Variants in CEACAM5 observed in about 807,000 individuals in gnomAD.
CEACAM5 encodes the protein cell adhesion molecule CEACAM5.
CEACAM5 carries 52 observed loss-of-function variants against 63.0 expected under a neutral mutation model. The ratio of observed to expected loss-of-function variants is 0.83; its 90% CI spans 0.66 to 1.04. CEACAM5 has a LOEUF of 1.04. Among genes scored for constraint, CEACAM5 ranks in the 50% least tolerant of loss-of-function variants. The pLI is 0.00. For synonymous variants in CEACAM5, 357 were observed against 351.3 expected (o/e 1.02, Z -0.18); for missense variants, 790 against 864.8 (o/e 0.91, Z 1.08).
Position 41,722,891 on chromosome 19 carries a change from T to TG in CEACAM5, c.2026+1715_2026+1716insG, listed in dbSNP as rs550294319. On this transcript the variant is annotated intron_variant, in intron 8 of 9. Coordinates refer to ENST00000221992, the MANE Select transcript of CEACAM5 (RefSeq NM_004363.6). ...TGGTAGATCAAATGTTAATTCTTTT[T>TG]TTTGTTTGTTTGTTTGTTTGTTTGT... 7.2e-5 allele frequency among the ~76,000 whole-genome samples: 11 copies of TG among 151,838 alleles called. No homozygotes were observed. The East Asian group carries it at 9.7e-4, about 13-fold the overall frequency.
chr19:41,722,282 C>T (rs1555816364), intron 8 of CEACAM5, among the ~76,000 whole-genome samples: 2 of 147,836 alleles, frequency 1.4e-5, no homozygotes, highest in Admixed American at 6.9e-5. Context: ...GAGAATCGCT[C>T]GAACCTGGGC....
chr19:41,717,378 C>A, intron 4 of CEACAM5, 77 bp from the exon 5 acceptor site: 1 of 1,514,842 alleles, frequency 6.6e-7, no homozygotes, highest in Non-Finnish European at 9.0e-7. Flanking sequence ...GTGGGAGATG[C>A]CAACTCTGAT....
rs1046715498 is a variant in CEACAM5, at chr19:41,730,144, G to A, written c.*997G>A. Among the ~76,000 whole-genome samples the A allele has an allele frequency of 2.0e-5, 3 of 152,152 alleles. No homozygotes were observed. The highest frequency in any genetic ancestry group is 4.4e-5 in the Non-Finnish European group (3 of 68,022). On this transcript the variant is annotated 3_prime_UTR_variant, in exon 10 of 10. Transcript: ENST00000221992. ...ACTTTAAAAAAGTCTGTGTGGGCCG[G>A]GCGCGGTGGCTCACGCCTGTAATCC...
Position 41,717,587 on chromosome 19 carries a change from C to T in CEACAM5, c.1091C>T (p.Pro364Leu), listed in dbSNP as rs376831302. 9.2e-5 allele frequency: 149 copies of T among 1,614,096 alleles called. No homozygotes were observed. Among genetic ancestry groups the T allele is most frequent in the African/African-American group, 8.7e-4 (65 of 74,926 alleles). Residue 364 changes from proline to leucine, a missense_variant, in exon 5 of 10, where the codon CCG (proline) becomes CTG (leucine). Physicochemically the swap from Pro to Leu is moderately conservative, Grantham distance 98 (BLOSUM62 -3). Coordinates refer to ENST00000221992, the MANE Select transcript of CEACAM5 (RefSeq NM_004363.6). ...YLWWVNNQSL[P>L]VSPRLQLSND... ...TGGTGGGTAAATAATCAGAGCCTCC[C>T]GGTCAGTCCCAGGCTGCAGCTGTCC... is the stretch of plus-strand genomic sequence containing the variant.
intron 2 of CEACAM5, among the ~76,000 whole-genome samples, chr19:41,712,746 T>A (rs1555814271): frequency 6.6e-6 from 1 of 152,210 alleles, no homozygotes; most frequent in Admixed American, 6.5e-5. Flanking sequence ...TAGCATAATA[T>A]TAAAAGAAGT....
At chr19:41,722,455 A>C (rs2072637947) in intron 8 of CEACAM5, among the ~76,000 whole-genome samples, 1 of 151,954 alleles carries the variant, frequency 6.6e-6, no homozygotes, top group African/African-American at 2.4e-5. Flanking sequence ...GAACTTTTTC[A>C]TCTTACCATA....
At chr19:41,717,170 G>T (rs151004908) in intron 4 of CEACAM5, among the ~76,000 whole-genome samples, 3,584 of 152,332 alleles carry the variant, frequency 0.024, 138 homozygotes, top group African/African-American at 0.081. Context: ...AGGACCAGAA[G>T]TGCTGGGGGC....
intron 3 of CEACAM5, 144 bp from the exon 4 acceptor site, chr19:41,715,506 T>G (rs1253864706): frequency 8.2e-7 from 1 of 1,223,404 alleles, no homozygotes; most frequent in Non-Finnish European, 1.2e-6. Context: ...TATCTCAGAC[T>G]CAGGCTCAGT....
chr19:41,720,323 C>T, intron 7 of CEACAM5, 115 bp downstream of exon 7: 1 of 1,289,362 alleles, frequency 7.8e-7, no homozygotes, highest in Non-Finnish European at 1.1e-6. Context: ...CCCCTGGACA[C>T]CCAGGCTGGC....
Position 41,727,258 on chromosome 19 carries a change from C to T in CEACAM5, c.2051C>T (p.Ser684Leu). Residue 684 changes from serine (S) to leucine (L), a missense_variant, in exon 9 of 10, where the codon TCA becomes TTA. Transcript: ENST00000221992. ...GCATCTGGAACTTCTCCTGGTCTCT[C>T]AGCTGGGGCCACTGTCGGCATCATG... is the stretch of plus-strand genomic sequence containing the variant. ...VSASGTSPGL[S>L]AGATVGIMIG... 6.2e-7 allele frequency: 1 copy of T among 1,614,020 alleles called. No individual in the cohort carries two copies. Among genetic ancestry groups the T allele is most frequent in the African/African-American group, 1.3e-5 (1 of 75,048 alleles).
chr19:41,709,898 T>A lies in CEACAM5; in HGVS notation c.283T>A (p.Tyr95Asn), dbSNP rs113590637. Residue 95 changes from tyrosine (Y) to asparagine (N), a missense_variant, in exon 2 of 10, where the codon TAC (tyrosine) becomes AAC (asparagine). Physicochemically the swap from Tyr to Asn is moderately radical, Grantham distance 143 (BLOSUM62 -2). Coordinates refer to ENST00000221992, the MANE Select transcript of CEACAM5 (RefSeq NM_004363.6). Reference protein sequence around the residue: ...GTQQATPGPAYSGREIIYPNA... With the variant: ...GTQQATPGPANSGREIIYPNA... ...TCAACAAGCTACCCCAGGGCCCGCA[T>A]ACAGTGGTCGAGAGATAATATACCC... is the stretch of plus-strand genomic sequence containing the variant. 2,021 of 1,614,092 alleles carry A rather than the reference T, an allele frequency of 1.3e-3. 33 individuals are homozygous for A. The African/African-American group carries it at 0.024, about 19-fold the overall frequency.
At chr19:41,712,570 C>T (rs1010343568) in intron 2 of CEACAM5, among the ~76,000 whole-genome samples, 1 of 152,200 alleles carries the variant, frequency 6.6e-6, no homozygotes, top group African/African-American at 2.4e-5. Flanking sequence ...TCATTTCTCC[C>T]TTTATGTAAT....
intron 2 of CEACAM5, among the ~76,000 whole-genome samples, chr19:41,710,820 G>A (rs1304709729): frequency 1.3e-5 from 2 of 152,218 alleles, no homozygotes; most frequent in Non-Finnish European, 2.9e-5. Context: ...AAACATAAAT[G>A]ATGTTCATTT....
intron 4 of CEACAM5, 29 bp downstream of exon 4, chr19:41,715,933 A>G (rs1568704600): frequency 1.9e-6 from 3 of 1,604,484 alleles, no homozygotes; most frequent in East Asian, 2.2e-5. Context: ...CACTGACATC[A>G]TGTTTTGAGG....
At chr19:41,709,611 C>G in intron 1 of CEACAM5, 69 bp from the exon 2 acceptor site, 1 of 1,558,766 alleles carries the variant, frequency 6.4e-7, no homozygotes, top group Non-Finnish European at 8.7e-7. Flanking sequence ...TGCTCAGGAC[C>G]CAGGACCCCA....
rs1405197095 is a variant in CEACAM5 at position 41,720,017 on chromosome 19, C to T, written c.1580C>T (p.Ala527Val). The change falls in exon 7 of 10, where the codon GCT becomes GTT. Residue 527 changes from alanine to valine, a missense_variant. Physicochemically the swap from Ala to Val is moderately conservative, Grantham distance 64. Transcript: ENST00000221992. ...GTGGCCTTCACCTGTGAACCTGAGG[C>T]TCAGAACACAACCTACCTGTGGTGG... ...DAVAFTCEPE[A>V]QNTTYLWWVN... The T allele has an allele frequency of 6.2e-7, 1 of 1,614,274 alleles. No homozygotes were observed. The highest frequency in any genetic ancestry group is 8.5e-7 in the Non-Finnish European group (1 of 1,180,044).
chr19:41,711,434 G>A (rs2072434228), intron 2 of CEACAM5, among the ~76,000 whole-genome samples: 2 of 152,224 alleles, frequency 1.3e-5, no homozygotes, highest in African/African-American at 4.8e-5. Context: ...GGGAATGAGT[G>A]AAGGAATGAT....
chr19:41,724,568 C>G (rs1369497422), intron 8 of CEACAM5, among the ~76,000 whole-genome samples: 1 of 152,132 alleles, frequency 6.6e-6, no homozygotes, highest in Non-Finnish European at 1.5e-5. Context: ...GTATTGTCCT[C>G]CTAGCAATAT....
intron 8 of CEACAM5, among the ~76,000 whole-genome samples, chr19:41,723,811 T>C (rs2072660622): frequency 1.3e-5 from 2 of 151,588 alleles, no homozygotes; most frequent in Non-Finnish European, 2.9e-5. Flanking sequence ...TATCCAGGCG[T>C]GGTGGTGGGC....
Sources: gnomAD v4.1 joint callset for allele counts (sites outside exome capture counted in the v4.1 genomes callset) on GRCh38, gnomAD v4.1.1 for gene constraint, MANE v1.5 for transcripts, NCBI Gene and HGNC (gene_info 2026-07-23, HGNC 2026-07-21) for gene names.